The following COX6B1 variants were observed in gnomAD, a reference collection of about 807,000 sequenced individuals.
COX6B1 encodes the protein COX VIb-1.
Under a neutral mutation model 14.0 loss-of-function variants are expected in COX6B1, and 2 were observed. That is an observed-to-expected ratio of 0.14 (90% CI 0.06 to 0.45). COX6B1 has a LOEUF of 0.45. Among genes scored for constraint, COX6B1 ranks in the 20% least tolerant of loss-of-function variants. COX6B1 has a pLI of 0.98. For synonymous variants in COX6B1, 30 were observed against 39.7 expected, an observed-to-expected ratio of 0.76 and a Z score of 0.92; for missense variants, 81 against 114.2, an observed-to-expected ratio of 0.71 and a Z score of 1.33.
chr19:35,653,583 T>C (rs1455434489), intron 2 of COX6B1, among the ~76,000 whole-genome samples: 2 of 128,502 alleles, frequency 1.6e-5, no homozygotes, highest in African/African-American at 6.3e-5. Context: ...ATTTTTTGTA[T>C]TTTTTTTTTT....
At chr19:35,658,307 G>A (rs1967909592) in intron 3 of COX6B1, among the ~76,000 whole-genome samples, 1 of 152,028 alleles carries the variant, frequency 6.6e-6, no homozygotes, top group African/African-American at 2.4e-5. Flanking sequence ...TCAAAGCAGG[G>A]CCCACCCTTG....
chr19:35,651,501 G>T, intron 2 of COX6B1, 152 bp downstream of exon 2: 1 of 657,920 alleles, frequency 1.5e-6, no homozygotes, highest in Non-Finnish European at 2.8e-6. Flanking sequence ...TCAGGTCCAG[G>T]CTAGGGTTAC....
intron 2 of COX6B1, among the ~76,000 whole-genome samples, chr19:35,653,233 A>G (rs1242449458): frequency 1.3e-5 from 2 of 149,478 alleles, no homozygotes; most frequent in Non-Finnish European, 3.0e-5. Flanking sequence ...TCAGCCTCCC[A>G]AAGTGCTGAG....
intron 2 of COX6B1, 133 bp from the exon 3 acceptor site, chr19:35,654,438 G>A (rs1967865189): frequency 2.7e-6 from 2 of 749,306 alleles, no homozygotes; most frequent in East Asian, 2.6e-5. Flanking sequence ...CCAGGAGGAG[G>A]TAGAGGTTGC....
chr19:35,649,211 G>C (rs1967796651), intron 1 of COX6B1, among the ~76,000 whole-genome samples: 4 of 152,210 alleles, frequency 2.6e-5, no homozygotes, highest in African/African-American at 9.6e-5. Flanking sequence ...AATTGGGGTG[G>C]GGGGTGGAAT....
intron 3 of COX6B1, among the ~76,000 whole-genome samples, chr19:35,657,650 ATTTT>A (rs1192141047): frequency 1.7e-5 from 2 of 115,546 alleles, no homozygotes; most frequent in African/African-American, 6.7e-5. Flanking sequence ...GGGCCTTTTC[ATTTT>A]TTTTTTTTTT....
At chr19:35,648,515 C>T (rs1312735951) in intron 1 of COX6B1, 112 bp downstream of exon 1, 3 of 228,528 alleles carry the variant, frequency 1.3e-5, no homozygotes, top group Non-Finnish European at 1.8e-5. Context: ...TCCGGCCTCC[C>T]TGGACCCCGG....
intron 3 of COX6B1, among the ~76,000 whole-genome samples, chr19:35,657,641 G>T (rs572470359): frequency 6.7e-6 from 1 of 149,612 alleles, no homozygotes; most frequent in Non-Finnish European, 1.5e-5. Context: ...GCCTTATATG[G>T]GCCTTTTCAT....
chr19:35,658,610 A>C lies in COX6B1; in HGVS notation c.224A>C (p.Glu75Ala). ...CPTSWVTDWD[E>A]QRAEGTFPGK... is the part of the protein sequence containing the mutation. ...TTTCCACAGGTCACAGACTGGGATG[A>C]GCAACGGGCTGAAGGCACGTTTCCC... Residue 75 changes from glutamate (E) to alanine (A), a missense_variant, in exon 4 of 4, where the codon GAG becomes GCG. By Grantham distance (107) the Glu-to-Ala change is moderately radical (BLOSUM62 -1). Coordinates refer to ENST00000649813, the MANE Select transcript of COX6B1 (RefSeq NM_001863.5). 6.2e-7 allele frequency: 1 copy of C among 1,614,050 alleles called. No individual in the cohort carries two copies. Among genetic ancestry groups the C allele is most frequent in the Non-Finnish European group, 8.5e-7 (1 of 1,179,952 alleles).
At chr19:35,653,419 CG>C (rs1967851945) in intron 2 of COX6B1, among the ~76,000 whole-genome samples, 1 of 150,786 alleles carries the variant, frequency 6.6e-6, no homozygotes, top group Non-Finnish European at 1.5e-5. Flanking sequence ...ACTACAGGCG[CG>C]TGCCACCATG....
At chr19:35,654,507 CAAAAA>C in intron 2 of COX6B1, 59 bp from the exon 3 acceptor site, 2 of 1,310,892 alleles carry the variant, frequency 1.5e-6, no homozygotes, top group Non-Finnish European at 1.1e-6. Flanking sequence ...GACCCTACCT[CAAAAA>C]AAAAAAAAAA....
intron 3 of COX6B1, among the ~76,000 whole-genome samples, chr19:35,657,887 G>A (rs1449080529): frequency 6.6e-6 from 1 of 151,940 alleles, no homozygotes; most frequent in African/African-American, 2.4e-5. Flanking sequence ...AAACTCCTGG[G>A]CTCAAGCGAT....
intron 2 of COX6B1, among the ~76,000 whole-genome samples, chr19:35,651,593 A>T (rs1025011810): frequency 1.8e-4 from 27 of 151,652 alleles, no homozygotes; most frequent in African/African-American, 6.5e-4. Context: ...TTTTCCAGAG[A>T]TGGGGTCTCA....
chr19:35,656,781 A>G (rs1408591047), intron 3 of COX6B1, among the ~76,000 whole-genome samples: 1 of 152,140 alleles, frequency 6.6e-6, no homozygotes, highest in African/African-American at 2.4e-5. Flanking sequence ...ACGCCCAGCC[A>G]TGTTAGCACT....
At chr19:35,654,713 G>T in intron 3 of COX6B1, 42 bp downstream of exon 3, 2 of 1,579,800 alleles carry the variant, frequency 1.3e-6, no homozygotes, top group Non-Finnish European at 1.7e-6. Context: ...CTGGGGTGGG[G>T]TCTTAGCAGA....
At chr19:35,655,789 T>TCTC (rs1391768806) in intron 3 of COX6B1, among the ~76,000 whole-genome samples, 3 of 126,222 alleles carry the variant, frequency 2.4e-5, no homozygotes, top group Admixed American at 7.7e-5. Context: ...CTCTCTCTCT[T>TCTC]TGTCGCCCTC....
At chr19:35,650,662 C>G (rs1020945069) in intron 1 of COX6B1, among the ~76,000 whole-genome samples, 1 of 150,954 alleles carries the variant, frequency 6.6e-6, no homozygotes, top group African/African-American at 2.4e-5. Context: ...GAGCCTAGGT[C>G]GTACCAGTGA....
At chr19:35,649,893 A>G (rs1049087545) in intron 1 of COX6B1, among the ~76,000 whole-genome samples, 9 of 151,764 alleles carry the variant, frequency 5.9e-5, no homozygotes, top group African/African-American at 9.7e-5. Context: ...AAGTGCTGGG[A>G]TTACAGGTGT....
At chr19:35,652,487 A>C (rs79484009) in intron 2 of COX6B1, among the ~76,000 whole-genome samples, 14,561 of 151,590 alleles carry the variant, frequency 0.096, 928 homozygotes, top group Admixed American at 0.14. Context: ...GCTGGAGTGC[A>C]ATGTCACGAT....
Sources: allele counts gnomAD v4.1 joint callset (sites outside exome capture counted in the v4.1 genomes callset), GRCh38; gene constraint gnomAD v4.1.1; transcripts MANE v1.5; gene names NCBI Gene and HGNC (gene_info 2026-07-23, HGNC 2026-07-21).